Variants in LRRC7 observed in about 807,000 individuals in gnomAD.
LRRC7 encodes leucine-rich repeat-containing protein 7.
Under a neutral mutation model 175.7 loss-of-function variants are expected in LRRC7, and 23 were observed. The observed-to-expected ratio is 0.13, with a 90% confidence interval of 0.09 to 0.19. The LOEUF (loss-of-function observed/expected upper bound fraction) is 0.19, where lower values mean the gene tolerates loss of function less well. LRRC7 is among the 10% of genes least tolerant of loss of function. The pLI is 1.00. For synonymous variants in LRRC7, 685 were observed against 680.9 expected (o/e 1.01, Z -0.09); for missense variants, 1,354 against 1,904.7 (o/e 0.71, Z 5.38).
At chr1:69,674,101 C>T (rs1158665539) in intron 1 of LRRC7, among the ~76,000 whole-genome samples, 1 of 152,028 alleles carries the variant, frequency 6.6e-6, no homozygotes, top group African/African-American at 2.4e-5. Context: ...TCCACCTTTG[C>T]GTCCTCAAGT....
rs143348466 is a variant in LRRC7, at chr1:69,645,384, G to A, written c.3-32997G>A. Among the ~76,000 whole-genome samples the A allele has an allele frequency of 1.8e-4, 28 of 152,078 alleles. 1 individual carries two copies. In the East Asian group the frequency reaches 5.0e-3, roughly 27 times the overall value. On this transcript the variant is annotated intron_variant, in intron 1 of 26. Transcript: ENST00000651989. ...TGGGCCTTCACCATATAGAGGCTCA[G>A]GCCTTCAGTTCTGGAAAACTACCTT...
rs188243317 is a variant in LRRC7 at position 69,655,063 on chromosome 1, A to T, written c.3-23318A>T. ...ATTTGTCTTATCCAACCAGTAGGCA[A>T]ATTAATCCCTGGAGCAAGTTAGGCA... On this transcript the variant is annotated intron_variant, in intron 1 of 26. Transcript: ENST00000651989. Among the ~76,000 whole-genome samples, 161 of 152,174 alleles carry T rather than the reference A, an allele frequency of 1.1e-3. 1 individual carries two copies. The highest frequency in any genetic ancestry group is 3.6e-3 in the African/African-American group (148 of 41,532).
At chr1:69,655,433 T>A (rs1656468875) in intron 1 of LRRC7, among the ~76,000 whole-genome samples, 1 of 151,904 alleles carries the variant, frequency 6.6e-6, no homozygotes, top group Non-Finnish European at 1.5e-5. Flanking sequence ...ACCAATACCG[T>A]CATATCCATA....
At chr1:69,924,252 G>A (rs1243225400) in intron 7 of LRRC7, among the ~76,000 whole-genome samples, 1 of 152,032 alleles carries the variant, frequency 6.6e-6, no homozygotes, top group Non-Finnish European at 1.5e-5. Context: ...CTCCAGCTTT[G>A]TTCTTTTGGC....
chr1:70,037,877 A>G (rs754932858), intron 20 of LRRC7, among the ~76,000 whole-genome samples: 30 of 152,234 alleles, frequency 2.0e-4, no homozygotes, highest in Non-Finnish European at 3.7e-4. Flanking sequence ...CACGTAATAG[A>G]TAAGTAAATT....
In LRRC7 at chr1:70,126,189, A is replaced by G. The variant is rs137942562; in HGVS notation, c.*4302A>G. On this transcript the variant is annotated 3_prime_UTR_variant, in exon 27 of 27. Transcript: ENST00000651989. Reference sequence around the variant, plus strand: ...ATAACCAGGTCAAAAGCCATACTGAAATAGGACTACCACTCAAAGTCTTTG... The same window carrying G: ...ATAACCAGGTCAAAAGCCATACTGAGATAGGACTACCACTCAAAGTCTTTG... Among the ~76,000 whole-genome samples the G allele has an allele frequency of 2.9e-3, 439 of 152,264 alleles. 2 individuals are homozygous for G. Among genetic ancestry groups the G allele is most frequent in the African/African-American group, 9.6e-3 (398 of 41,540 alleles).
intron 8 of LRRC7, among the ~76,000 whole-genome samples, chr1:69,940,136 G>A (rs2101796662): frequency 6.6e-6 from 1 of 152,234 alleles, no homozygotes; most frequent in South Asian, 2.1e-4. Flanking sequence ...TGAACTTTCT[G>A]GCTGAAACTA....
chr1:69,590,041 C>T (rs1190602842), intron 1 of LRRC7, among the ~76,000 whole-genome samples: 1 of 152,172 alleles, frequency 6.6e-6, no homozygotes, highest in Non-Finnish European at 1.5e-5. Flanking sequence ...ATGAAAGCCA[C>T]TGCCTCCACA....
chr1:70,022,091 G>A (rs749181416), intron 16 of LRRC7, among the ~76,000 whole-genome samples: 8 of 152,002 alleles, frequency 5.3e-5, no homozygotes, highest in South Asian at 2.1e-4. Flanking sequence ...TACCAATATC[G>A]TTACGGAGAA....
intron 1 of LRRC7, among the ~76,000 whole-genome samples, chr1:69,662,185 T>C (rs1218603606): frequency 4.6e-5 from 7 of 152,170 alleles, no homozygotes; most frequent in Non-Finnish European, 7.4e-5. Context: ...GGATAAATAA[T>C]ATATGTAAAG....
At chr1:69,953,797 A>G (rs1650204995) in intron 8 of LRRC7, among the ~76,000 whole-genome samples, 1 of 152,064 alleles carries the variant, frequency 6.6e-6, no homozygotes, top group African/African-American at 2.4e-5. Context: ...GATTACCATC[A>G]ACACTTGTTA....
intron 2 of LRRC7, among the ~76,000 whole-genome samples, chr1:69,740,715 A>G (rs1451000782): frequency 1.3e-5 from 2 of 152,098 alleles, no homozygotes; most frequent in Admixed American, 1.3e-4. Context: ...GGTGTGGGCT[A>G]TATTCGGTTT....
chr1:70,127,819 T>C lies in LRRC7; in HGVS notation c.*5932T>C, dbSNP rs1414524374. Reference sequence around the variant, plus strand: ...CATTTATGTAAACATTCCATGACTCTTATTAGTCTACGGTTGGAACCACTA... The same window carrying C: ...CATTTATGTAAACATTCCATGACTCCTATTAGTCTACGGTTGGAACCACTA... On this transcript the variant is annotated 3_prime_UTR_variant, in exon 27 of 27. Coordinates refer to ENST00000651989, the MANE Select transcript of LRRC7 (RefSeq NM_001370785.2). 6.6e-6 allele frequency among the ~76,000 whole-genome samples: 1 copy of C among 152,216 alleles called. No individual in the cohort carries two copies. The highest frequency in any genetic ancestry group is 1.5e-5 in the Non-Finnish European group (1 of 68,028).
intron 1 of LRRC7, among the ~76,000 whole-genome samples, chr1:69,592,401 A>G (rs527918501): frequency 6.6e-6 from 1 of 152,210 alleles, no homozygotes; most frequent in East Asian, 1.9e-4. Flanking sequence ...AGAAAGAGTG[A>G]GTGCATATAT....
intron 2 of LRRC7, among the ~76,000 whole-genome samples, chr1:69,725,539 T>C (rs1359074946): frequency 6.6e-6 from 1 of 152,160 alleles, no homozygotes. Context: ...GGGCAGAAAT[T>C]GAAAATCTAA....
rs1489096572 is a variant in LRRC7, at chr1:70,141,035, A to G, written c.*19148A>G. Reference sequence around the variant, plus strand: ...TCAGTGACTAATAAGGCAATGGAACACTCAAGCAGATTTTCCTCTAATGAG... The same window carrying G: ...TCAGTGACTAATAAGGCAATGGAACGCTCAAGCAGATTTTCCTCTAATGAG... On this transcript the variant is annotated 3_prime_UTR_variant, in exon 27 of 27. Coordinates refer to ENST00000651989, the MANE Select transcript of LRRC7 (RefSeq NM_001370785.2). Among the ~76,000 whole-genome samples the G allele has an allele frequency of 6.6e-6, 1 of 152,116 alleles. No homozygotes were observed. Among genetic ancestry groups the G allele is most frequent in the African/African-American group, 2.4e-5 (1 of 41,444 alleles).
At chr1:69,769,772 A>G (rs1273655880) in intron 3 of LRRC7, among the ~76,000 whole-genome samples, 1 of 152,216 alleles carries the variant, frequency 6.6e-6, no homozygotes, top group African/African-American at 2.4e-5. Flanking sequence ...TGTTTTGCAT[A>G]TTTAAAATAA....
intron 8 of LRRC7, among the ~76,000 whole-genome samples, chr1:69,940,161 T>C (rs1648562159): frequency 6.6e-6 from 1 of 152,136 alleles, no homozygotes; most frequent in African/African-American, 2.4e-5. Flanking sequence ...CAGAGATACT[T>C]CTTTCAGAGG....
intron 4 of LRRC7, among the ~76,000 whole-genome samples, chr1:69,808,191 A>G (rs1044309090): frequency 3.3e-5 from 5 of 151,612 alleles, no homozygotes; most frequent in African/African-American, 1.2e-4. Flanking sequence ...TCTAGTTAGC[A>G]ATGCATCTAA....
Sources: allele counts gnomAD v4.1 joint callset (sites outside exome capture counted in the v4.1 genomes callset), GRCh38; gene constraint gnomAD v4.1.1; transcripts MANE v1.5; gene names NCBI Gene and HGNC (gene_info 2026-07-23, HGNC 2026-07-21).